STIL: variants seen among roughly 807,000 people sequenced by gnomAD.
The protein encoded by STIL is SCL-interrupting locus protein.
STIL carries 55 observed loss-of-function variants against 110.1 expected under a neutral mutation model. The observed-to-expected ratio is 0.50, with a 90% CI of 0.40 to 0.63. STIL has a LOEUF of 0.63. STIL is among the 20% of genes least tolerant of loss of function. The pLI is 0.00. For missense variants in STIL, 1,358 were observed against 1,530.0 expected (o/e 0.89, Z 1.87); for synonymous variants, 481 against 530.0 (o/e 0.91, Z 1.27).
intron 8 of STIL, among the ~76,000 whole-genome samples, chr1:47,289,938 C>CAAA (rs59432279): frequency 2.4e-3 from 254 of 103,990 alleles, no homozygotes; most frequent in African/African-American, 8.4e-3. Flanking sequence ...ACTCCGTCTC[C>CAAA]AAAAAAAAAA....
intron 12 of STIL, among the ~76,000 whole-genome samples, chr1:47,279,601 T>G (rs1341306766): frequency 6.6e-6 from 1 of 151,710 alleles, no homozygotes; most frequent in Non-Finnish European, 1.5e-5. Context: ...TGGTGGCGCG[T>G]GCCTGTAATC....
At chr1:47,314,384 A>G (rs1646227314), upstream of STIL, among the ~76,000 whole-genome samples, 1 of 152,156 alleles carries the variant, frequency 6.6e-6, no homozygotes, top group Non-Finnish European at 1.5e-5. Flanking sequence ...GAGGATTTAA[A>G]CCTTTCATTT....
intron 2 of STIL, among the ~76,000 whole-genome samples, chr1:47,308,529 G>A (rs1440870477): frequency 8.6e-5 from 13 of 151,758 alleles, no homozygotes; most frequent in Admixed American, 6.6e-4. Flanking sequence ...CAAACTTCAC[G>A]TTTTCGCTTA....
chr1:47,266,694 C>T (rs1213086161), intron 14 of STIL, among the ~76,000 whole-genome samples: 3 of 152,182 alleles, frequency 2.0e-5, no homozygotes, highest in African/African-American at 4.8e-5. Context: ...ATCCCTTCCA[C>T]GAATTCCACA....
rs1644186338 is a variant in STIL, at chr1:47,251,634, A to G, written c.3369T>C (p.Tyr1123=). 2 of 1,613,974 alleles carry G rather than the reference A, an allele frequency of 1.2e-6. No homozygotes were observed. The highest frequency in any genetic ancestry group is 1.7e-6 in the Non-Finnish European group (2 of 1,180,030). ...TTTGTAGGAGTCCATATCTCTTCAT[A>G]TATTTTTTGGTTGCAAATGACATGT... The part of the protein sequence containing the change: ...PNNMSFATKK[Y]MKRYGLLQSS... Residue 1123 remains tyrosine, a synonymous_variant, in exon 17 of 17, where the codon TAT becomes TAC. Transcript: ENST00000371877.
At chr1:47,262,759 C>A in intron 15 of STIL, 144 bp downstream of exon 15, 1 of 707,424 alleles carries the variant, frequency 1.4e-6, no homozygotes, top group South Asian at 2.0e-5. Context: ...TTATGAAAAG[C>A]TAAAAGAAAA....
chr1:47,285,438 G>A (rs981499912), intron 10 of STIL, among the ~76,000 whole-genome samples: 2 of 152,064 alleles, frequency 1.3e-5, no homozygotes, highest in African/African-American at 2.4e-5. Flanking sequence ...TTAATCTGGA[G>A]AACCCTAATA....
At chr1:47,263,744 G>GT (rs60915271) in intron 14 of STIL, among the ~76,000 whole-genome samples, 3,571 of 98,036 alleles carry the variant, frequency 0.036, 641 homozygotes, top group African/African-American at 0.13. Flanking sequence ...TTCATTCCAA[G>GT]TTTTTTTTTT....
At chr1:47,275,661 G>C (rs115831095) in intron 12 of STIL, among the ~76,000 whole-genome samples, 1,815 of 151,778 alleles carry the variant, frequency 0.012, 30 homozygotes, top group African/African-American at 0.042. Context: ...ATCTTACTCT[G>C]TCGCCTAGGC....
chr1:47,290,464 G>C (rs1041884836), intron 8 of STIL, among the ~76,000 whole-genome samples: 9 of 152,146 alleles, frequency 5.9e-5, no homozygotes, highest in African/African-American at 2.2e-4. Context: ...CCAGCACTTC[G>C]GGAGGCCGAG....
intron 8 of STIL, among the ~76,000 whole-genome samples, chr1:47,292,290 G>C (rs1236556504): frequency 6.6e-6 from 1 of 152,048 alleles, no homozygotes; most frequent in African/African-American, 2.4e-5. Flanking sequence ...TAGAGAAAAA[G>C]GCACTCTCGT....
chr1:47,280,375 A>C lies in STIL; in HGVS notation c.2083T>G (p.Cys695Gly), dbSNP rs761884641. The part of the protein sequence containing the change: ...VARPPSHMDL[C>G]NPQPCTVCMH... ...CACACTGTGCAAGGCTGTGGGTTAC[A>C]TAAGTCCATATGTGAAGGCGGTCTT... is the stretch of plus-strand genomic sequence containing the variant. The change falls in exon 12 of 17, where the codon TGT (cysteine) becomes GGT (glycine). Residue 695 changes from cysteine to glycine, a missense_variant. By Grantham distance (159) the Cys-to-Gly change is radical. Coordinates refer to ENST00000371877, the MANE Select transcript of STIL (RefSeq NM_001048166.1). 1.9e-6 allele frequency: 3 copies of C among 1,614,240 alleles called. No individual in the cohort carries two copies. The highest frequency in any genetic ancestry group is 1.1e-5 in the South Asian group (1 of 91,082).
At chr1:47,260,770 G>T (rs1644462761) in intron 15 of STIL, among the ~76,000 whole-genome samples, 1 of 152,144 alleles carries the variant, frequency 6.6e-6, no homozygotes. Context: ...TTAGGAGGCT[G>T]AAGTAGGAGG....
In STIL at chr1:47,312,345, T is replaced by C. The variant is rs796079725; in HGVS notation, c.-44+1691A>G. ...CTCTACTAAAAATACAAAAAATTAG[T>C]GGGGTGTGGTGGCGGGCACCTGTAG... On this transcript the variant is annotated intron_variant, in intron 1 of 16. Transcript: ENST00000371877. Among the ~76,000 whole-genome samples, 6 of 151,418 alleles carry C rather than the reference T, an allele frequency of 4.0e-5. 1 individual carries two copies. Among genetic ancestry groups the C allele is most frequent in the African/African-American group, 1.2e-4 (5 of 41,198 alleles).
In STIL at chr1:47,275,585, G is replaced by A. The variant is rs971119580; in HGVS notation, c.2218-3344C>T. Among the ~76,000 whole-genome samples, 3 of 152,026 alleles carry A rather than the reference G, an allele frequency of 2.0e-5. No individual in the cohort carries two copies. In the East Asian group the frequency reaches 5.8e-4, roughly 29 times the overall value. ...ATCGCGCCACTGCACTCCAGCCTGG[G>A]TGACACAGTGAGACTCCATCTCAAT... On this transcript the variant is annotated intron_variant, in intron 12 of 16. Coordinates refer to ENST00000371877, the MANE Select transcript of STIL (RefSeq NM_001048166.1).
In STIL at chr1:47,314,134, G is replaced by C. The variant is rs1465609424; in HGVS notation, c.-142C>G. 6.6e-6 allele frequency: 1 copy of C among 152,314 alleles called. No individual in the cohort carries two copies. Among genetic ancestry groups the C allele is most frequent in the African/African-American group, 2.4e-5 (1 of 41,476 alleles). The allele number at this position is 152,314 out of a possible 1,614,324, so 9.4% of individuals were successfully genotyped here. The stretch of plus-strand genomic sequence containing the variant: ...CTCCGGCCCCGCCTCTGGGACGTTG[G>C]GGTCGCGGGAACTGAGGCGGCAAAC... On this transcript the variant is annotated 5_prime_UTR_variant, in exon 1 of 17. Coordinates refer to ENST00000371877, the MANE Select transcript of STIL (RefSeq NM_001048166.1).
chr1:47,302,267 A>G lies in STIL; in HGVS notation c.232T>C (p.Cys78Arg). ...GCTGTCAGAGAACCAAGTAAAAAGC[A>G]TGACGAATTTTTTTTATTCTGCTTA... ...HAKQNKKNSSCFLLGSLTADE... is the reference protein window; with the variant it reads ...HAKQNKKNSSRFLLGSLTADE... Residue 78 changes from cysteine (C) to arginine (R), a missense_variant, in exon 4 of 17, where the codon TGC (cysteine) becomes CGC (arginine). Transcript: ENST00000371877. 3 of 1,614,054 alleles carry G rather than the reference A, an allele frequency of 1.9e-6. No individual in the cohort carries two copies. In the South Asian group the frequency reaches 3.3e-5, roughly 18 times the overall value.
At chr1:47,305,929 C>T (rs1324330452) in intron 2 of STIL, among the ~76,000 whole-genome samples, 1 of 148,186 alleles carries the variant, frequency 6.7e-6, no homozygotes, top group Admixed American at 6.8e-5. Context: ...GACGGGGTTT[C>T]ACCATGTTGG....
chr1:47,298,970 T>G (rs1645720305), intron 6 of STIL, among the ~76,000 whole-genome samples: 1 of 151,938 alleles, frequency 6.6e-6, no homozygotes. Context: ...AGGCTAGTCT[T>G]GAACTCCTGA....
Sources: allele counts gnomAD v4.1 joint callset (sites outside exome capture counted in the v4.1 genomes callset), GRCh38; gene constraint gnomAD v4.1.1; transcripts MANE v1.5; gene names NCBI Gene and HGNC (gene_info 2026-07-23, HGNC 2026-07-21).